The following MXI1 variants were observed in gnomAD, a reference collection of about 807,000 sequenced individuals.
MXI1 encodes the protein max-interacting protein 1.
MXI1 carries 18 observed loss-of-function variants against 36.9 expected under a neutral mutation model. The ratio of observed to expected loss-of-function variants is 0.49; its 90% CI spans 0.34 to 0.72. MXI1 has a LOEUF of 0.72. MXI1 is among the 30% of genes least tolerant of loss of function. MXI1 has a pLI of 0.01. For synonymous variants in MXI1, 160 were observed against 146.7 expected, an observed-to-expected ratio of 1.09 and a Z score of -0.65; for missense variants, 304 against 379.1, an observed-to-expected ratio of 0.80 and a Z score of 1.64.
chr10:110,213,775 C>G (rs908878074), intron 1 of MXI1, among the ~76,000 whole-genome samples: 1 of 152,242 alleles, frequency 6.6e-6, no homozygotes, highest in Non-Finnish European at 1.5e-5. Flanking sequence ...GAAACAGTCT[C>G]CCACTGACAC....
intron 2 of MXI1, among the ~76,000 whole-genome samples, chr10:110,231,677 T>C (rs1855269593): frequency 1.3e-5 from 2 of 152,200 alleles, no homozygotes; most frequent in Admixed American, 1.3e-4. Context: ...TGCTAAGATG[T>C]TACTGCTGTT....
At chr10:110,215,156 C>T (rs1165476139) in intron 1 of MXI1, among the ~76,000 whole-genome samples, 1 of 151,270 alleles carries the variant, frequency 6.6e-6, no homozygotes, top group Non-Finnish European at 1.5e-5. Flanking sequence ...ATTCTCCTGC[C>T]TCAGCCTCCC....
intron 3 of MXI1, among the ~76,000 whole-genome samples, chr10:110,267,304 T>C (rs1403007240): frequency 6.6e-6 from 1 of 152,212 alleles, no homozygotes; most frequent in Non-Finnish European, 1.5e-5. Context: ...AATATTGCTA[T>C]TGGGCTTTAG....
At chr10:110,246,344 T>G (rs1027495926) in intron 3 of MXI1, among the ~76,000 whole-genome samples, 5 of 151,682 alleles carry the variant, frequency 3.3e-5, no homozygotes, top group Non-Finnish European at 5.9e-5. Context: ...ATGAGAGAGA[T>G]TAGATTAATA....
chr10:110,222,229 G>A (rs10884939), intron 1 of MXI1, among the ~76,000 whole-genome samples: 46,093 of 152,014 alleles, frequency 0.3, 8,901 homozygotes, highest in Non-Finnish European at 0.42. Flanking sequence ...TGTCCCCAGT[G>A]TTGATTATTT....
At chr10:110,226,468 G>C (rs1854980705) in intron 1 of MXI1, 1 of 318,658 alleles carries the variant, frequency 3.1e-6, no homozygotes, top group Non-Finnish European at 3.7e-6. Flanking sequence ...GGGCGTGTGG[G>C]GAGGGGAGCG....
At chr10:110,255,268 T>C (rs1856244577) in intron 3 of MXI1, among the ~76,000 whole-genome samples, 1 of 152,184 alleles carries the variant, frequency 6.6e-6, no homozygotes, top group Non-Finnish European at 1.5e-5. Flanking sequence ...ATAGCATAGT[T>C]TACTATTTGA....
intron 3 of MXI1, among the ~76,000 whole-genome samples, chr10:110,261,764 C>T (rs1590386464): frequency 6.6e-6 from 1 of 152,040 alleles, no homozygotes; most frequent in Non-Finnish European, 1.5e-5. Context: ...TTTTCATCTT[C>T]TCCTATATTT....
At chr10:110,272,586 A>G (rs1035782752) in intron 3 of MXI1, among the ~76,000 whole-genome samples, 5 of 152,110 alleles carry the variant, frequency 3.3e-5, no homozygotes, top group African/African-American at 4.8e-5. Context: ...GGTTTTAAAA[A>G]GTCTCCCAAG....
intron 2 of MXI1, among the ~76,000 whole-genome samples, chr10:110,241,846 ATC>A (rs2134386907): frequency 6.6e-6 from 1 of 152,104 alleles, no homozygotes; most frequent in South Asian, 2.1e-4. Flanking sequence ...ATGTTTTTAC[ATC>A]TGTTTCTCTA....
intron 3 of MXI1, among the ~76,000 whole-genome samples, chr10:110,262,308 G>A (rs1484271042): frequency 1.3e-5 from 2 of 152,130 alleles, no homozygotes; most frequent in Non-Finnish European, 2.9e-5. Context: ...TTAAGGTATA[G>A]AGGAGGATGT....
intron 3 of MXI1, among the ~76,000 whole-genome samples, chr10:110,265,473 G>A (rs1253331830): frequency 6.6e-6 from 1 of 152,114 alleles, no homozygotes; most frequent in Non-Finnish European, 1.5e-5. Flanking sequence ...ACCCCAAGAT[G>A]ATGTTTTCTG....
At chr10:110,247,472 C>G (rs1405851368) in intron 3 of MXI1, among the ~76,000 whole-genome samples, 1 of 152,106 alleles carries the variant, frequency 6.6e-6, no homozygotes, top group Non-Finnish European at 1.5e-5. Flanking sequence ...ATGCCTATGT[C>G]CTGAATGGTA....
At chr10:110,262,722 T>G (rs1410307977) in intron 3 of MXI1, among the ~76,000 whole-genome samples, 1 of 152,142 alleles carries the variant, frequency 6.6e-6, no homozygotes. Context: ...GATCATCTAG[T>G]AGAGTACTGA....
At chr10:110,280,679 CAAAA>C (rs754769947) in intron 5 of MXI1, among the ~76,000 whole-genome samples, 1 of 117,810 alleles carries the variant, frequency 8.5e-6, no homozygotes. Context: ...GGTTCCGTCT[CAAAA>C]AAAAAAAAAA....
At position 110,285,480 on chromosome 10, in the gene MXI1, C is replaced by T. The variant is rs1441057389; in HGVS notation, c.*493C>T. 2 of 151,980 alleles carry T rather than the reference C, an allele frequency of 1.3e-5. No individual in the cohort carries two copies. Among genetic ancestry groups the T allele is most frequent in the African/African-American group, 2.4e-5 (1 of 41,294 alleles). The allele number at this position is 151,980 out of a possible 1,614,324, so 9.4% of individuals were successfully genotyped here. ...TAATAATGAGCTATTAAAACTCAGC[C>T]TGGGACAGTTTATCATGAAGCCTGT... On this transcript the variant is annotated 3_prime_UTR_variant, in exon 6 of 6. Coordinates refer to ENST00000332674, the MANE Select transcript of MXI1 (RefSeq NM_130439.3).
At chr10:110,218,364 G>C (rs1854709811) in intron 1 of MXI1, among the ~76,000 whole-genome samples, 1 of 151,876 alleles carries the variant, frequency 6.6e-6, no homozygotes, top group Non-Finnish European at 1.5e-5. Flanking sequence ...GCAGGAGAAT[G>C]GCGTGAACCC....
intron 3 of MXI1, among the ~76,000 whole-genome samples, chr10:110,269,274 C>T (rs551711985): frequency 2.6e-5 from 4 of 152,288 alleles, no homozygotes; most frequent in Admixed American, 6.5e-5. Context: ...CAGATTGTTC[C>T]TGTTCCATTT....
intron 1 of MXI1, among the ~76,000 whole-genome samples, chr10:110,218,944 A>C (rs1425126896): frequency 1.3e-5 from 2 of 152,140 alleles, no homozygotes; most frequent in African/African-American, 4.8e-5. Context: ...CCAGTCAGAC[A>C]ATGACATAGG....
Sources: allele counts gnomAD v4.1 joint callset (sites outside exome capture counted in the v4.1 genomes callset), GRCh38; gene constraint gnomAD v4.1.1; transcripts MANE v1.5; gene names NCBI Gene and HGNC (gene_info 2026-07-23, HGNC 2026-07-21).